The following COL26A1 variants were observed in gnomAD, a reference collection of about 807,000 sequenced individuals.
COL26A1 encodes collagen alpha-1(XXVI) chain.
Under a neutral mutation model 59.3 loss-of-function variants are expected in COL26A1, and 41 were observed. That is an observed-to-expected ratio of 0.69 (90% CI 0.54 to 0.90). The LOEUF (loss-of-function observed/expected upper bound fraction) is 0.90, where lower values mean the gene tolerates loss of function less well. Among genes scored for constraint, COL26A1 ranks in the 40% least tolerant of loss-of-function variants. COL26A1 has a pLI of 0.00. For synonymous variants in COL26A1, 266 were observed against 256.0 expected, an observed-to-expected ratio of 1.04 and a Z score of -0.37; for missense variants, 612 against 602.3, an observed-to-expected ratio of 1.02 and a Z score of -0.17.
intron 5 of COL26A1, among the ~76,000 whole-genome samples, chr7:101,541,891 A>G (rs1004659718): frequency 2.0e-5 from 3 of 152,178 alleles, no homozygotes; most frequent in African/African-American, 7.2e-5. Flanking sequence ...GCTGAGGTCT[A>G]CCATGAGTGG....
intron 7 of COL26A1, among the ~76,000 whole-genome samples, chr7:101,546,523 T>A (rs1343679042): frequency 6.6e-6 from 1 of 151,892 alleles, no homozygotes; most frequent in Non-Finnish European, 1.5e-5. Flanking sequence ...TGATCCTCCC[T>A]CCTCAGCCTC....
At chr7:101,446,729 C>T (rs1197297397) in intron 2 of COL26A1, among the ~76,000 whole-genome samples, 1 of 152,024 alleles carries the variant, frequency 6.6e-6, no homozygotes, top group African/African-American at 2.4e-5. Flanking sequence ...CACCTATAAT[C>T]TCAGCTACTC....
chr7:101,377,979 C>T (rs908226642), intron 1 of COL26A1, among the ~76,000 whole-genome samples: 2 of 152,146 alleles, frequency 1.3e-5, no homozygotes, highest in African/African-American at 4.8e-5. Context: ...AATCACAGGT[C>T]ACTGCAGCCT....
At chr7:101,470,053 C>A (rs1434792894) in intron 3 of COL26A1, among the ~76,000 whole-genome samples, 1 of 151,806 alleles carries the variant, frequency 6.6e-6, no homozygotes, top group African/African-American at 2.4e-5. Context: ...AAGAGAAGAG[C>A]TCTCTCTGCT....
At chr7:101,523,895 TACTGGGATTTTG>T (rs1795187630) in intron 3 of COL26A1, among the ~76,000 whole-genome samples, 1 of 152,114 alleles carries the variant, frequency 6.6e-6, no homozygotes, top group Non-Finnish European at 1.5e-5. Flanking sequence ...AAAAAAAGTC[TACTGGGATTTTG>T]ACTGGGATTG....
At chr7:101,434,109 T>C (rs1792851338) in intron 2 of COL26A1, among the ~76,000 whole-genome samples, 1 of 122,892 alleles carries the variant, frequency 8.1e-6, no homozygotes, top group Admixed American at 8.8e-5. Flanking sequence ...TCTGCTTTCT[T>C]TCTTTTTCTT....
intron 1 of COL26A1, among the ~76,000 whole-genome samples, chr7:101,363,693 T>C (rs953871832): frequency 1.2e-3 from 181 of 151,960 alleles, no homozygotes; most frequent in African/African-American, 3.6e-3. Flanking sequence ...GCGCCCACCC[T>C]GTCCCTTCCT....
chr7:101,492,448 G>C (rs1054252366), intron 3 of COL26A1, among the ~76,000 whole-genome samples: 3 of 151,876 alleles, frequency 2.0e-5, no homozygotes, highest in African/African-American at 4.8e-5. Flanking sequence ...TGTAATCTCA[G>C]CACTTTGGGA....
At chr7:101,482,320 C>A (rs1794174265) in intron 3 of COL26A1, among the ~76,000 whole-genome samples, 1 of 152,098 alleles carries the variant, frequency 6.6e-6, no homozygotes, top group African/African-American at 2.4e-5. Flanking sequence ...CTTCTTTTTC[C>A]TTTTTATTGA....
At chr7:101,473,893 T>C (rs1793971147) in intron 3 of COL26A1, among the ~76,000 whole-genome samples, 1 of 152,110 alleles carries the variant, frequency 6.6e-6, no homozygotes, top group Non-Finnish European at 1.5e-5. Flanking sequence ...CTATCTACTT[T>C]TTCAGAGCCT....
intron 3 of COL26A1, among the ~76,000 whole-genome samples, chr7:101,476,724 T>C (rs1476366510): frequency 2.0e-5 from 3 of 151,888 alleles, no homozygotes; most frequent in East Asian, 3.9e-4. Context: ...ATTTTTTGTA[T>C]TTTTAGTAGA....
intron 2 of COL26A1, among the ~76,000 whole-genome samples, chr7:101,438,772 G>A (rs904931578): frequency 4.0e-5 from 6 of 151,526 alleles, no homozygotes; most frequent in Non-Finnish European, 7.4e-5. Flanking sequence ...TCGGGTTCAA[G>A]CAATTCTCCT....
chr7:101,375,402 CAT>C (rs1791291391), intron 1 of COL26A1, among the ~76,000 whole-genome samples: 1 of 151,864 alleles, frequency 6.6e-6, no homozygotes, highest in Non-Finnish European at 1.5e-5. Flanking sequence ...ATTTCACAAA[CAT>C]AGGAAGCATG....
At chr7:101,503,961 C>T (rs1794755217) in intron 3 of COL26A1, among the ~76,000 whole-genome samples, 1 of 152,216 alleles carries the variant, frequency 6.6e-6, no homozygotes, top group Admixed American at 6.5e-5. Flanking sequence ...GACCATGTGT[C>T]ACGCCTGAGC....
At chr7:101,491,880 G>A (rs1430213087) in intron 3 of COL26A1, among the ~76,000 whole-genome samples, 1 of 152,156 alleles carries the variant, frequency 6.6e-6, no homozygotes, top group Non-Finnish European at 1.5e-5. Context: ...GTAGATCTCA[G>A]CCTCATTTTG....
chr7:101,553,517 TGCCCTGAGAAGTTCACA>T, intron 11 of COL26A1, 141 bp downstream of exon 11: 1 of 686,050 alleles, frequency 1.5e-6, no homozygotes, highest in Non-Finnish European at 2.3e-6. Context: ...ACAGGGCCCC[TGCCCTGAGAAGTTCACA>T]GCCCCATGGG....
chr7:101,419,780 G>C (rs773150891), intron 1 of COL26A1, among the ~76,000 whole-genome samples, 197 bp from the exon 2 acceptor site: 1 of 152,190 alleles, frequency 6.6e-6, no homozygotes, highest in Non-Finnish European at 1.5e-5. Context: ...TGATGCCAGG[G>C]CTTGGTGGCC....
intron 3 of COL26A1, among the ~76,000 whole-genome samples, chr7:101,501,936 C>T (rs559170587): frequency 2.0e-5 from 3 of 152,112 alleles, no homozygotes; most frequent in South Asian, 2.1e-4. Flanking sequence ...ACATGGGCTG[C>T]GTGTGCAGCT....
chr7:101,458,580 A>G (rs1793533416), intron 3 of COL26A1, among the ~76,000 whole-genome samples: 12 of 152,080 alleles, frequency 7.9e-5, no homozygotes, highest in Admixed American at 7.9e-4. Flanking sequence ...AGAGTGATCT[A>G]AGTGAGCCAA....
Sources: gnomAD v4.1 joint callset for allele counts (sites outside exome capture counted in the v4.1 genomes callset) on GRCh38, gnomAD v4.1.1 for gene constraint, MANE v1.5 for transcripts, NCBI Gene and HGNC (gene_info 2026-07-23, HGNC 2026-07-21) for gene names.